Variants in DHRS7B observed in about 807,000 individuals in gnomAD.
DHRS7B encodes peroxisomal reductase activating PPAR-gamma.
A neutral mutation model predicts 26.4 loss-of-function variants in DHRS7B; 24 were observed. The observed-to-expected ratio is 0.91, with a 90% CI of 0.66 to 1.28. The LOEUF (loss-of-function observed/expected upper bound fraction) is 1.28, where lower values mean the gene tolerates loss of function less well. Among genes scored for constraint, DHRS7B ranks in the 50% most tolerant of loss-of-function variants. The probability of loss-of-function intolerance (pLI) is 0.00; values close to 1 mark genes in which losing one functional copy is unlikely to be tolerated. For synonymous variants in DHRS7B, 142 were observed against 166.4 expected, an observed-to-expected ratio of 0.85 and a Z score of 1.13; for missense variants, 368 against 419.4, an observed-to-expected ratio of 0.88 and a Z score of 1.07.
chr17:21,143,544 G>T (rs1326026691), intron 1 of DHRS7B, among the ~76,000 whole-genome samples: 1 of 152,170 alleles, frequency 6.6e-6, no homozygotes, highest in Admixed American at 6.5e-5. Context: ...AGGAATGAAG[G>T]ATTGTGACAT....
intron 1 of DHRS7B, among the ~76,000 whole-genome samples, chr17:21,138,737 A>G (rs1417904208): frequency 2.0e-5 from 3 of 152,032 alleles, no homozygotes; most frequent in Non-Finnish European, 2.9e-5. Context: ...ATTAGACAAA[A>G]CTTGTTCACC....
chr17:21,136,684 T>C lies in DHRS7B; in HGVS notation c.20+9693T>C, dbSNP rs1269012770. Among the ~76,000 whole-genome samples, 51 of 151,956 alleles carry C rather than the reference T, an allele frequency of 3.4e-4. 1 individual carries two copies. Among genetic ancestry groups the C allele is most frequent in the Non-Finnish European group, 1.6e-4 (11 of 68,004 alleles). The stretch of plus-strand genomic sequence containing the variant: ...CATTCTCCTGCCTCAGACTCCTGAG[T>C]AGCTGGGATTACAGGTGTGTGCCAC... On this transcript the variant is annotated intron_variant, in intron 1 of 6. Coordinates refer to ENST00000395511, the MANE Select transcript of DHRS7B (RefSeq NM_015510.5).
At chr17:21,186,845 G>C (rs947210351) in intron 5 of DHRS7B, among the ~76,000 whole-genome samples, 3 of 152,130 alleles carry the variant, frequency 2.0e-5, no homozygotes, top group Non-Finnish European at 2.9e-5. Flanking sequence ...AGCTCTTCTA[G>C]ATGAAAAGCC....
chr17:21,189,602 G>A (rs1017163849), intron 6 of DHRS7B, among the ~76,000 whole-genome samples: 6 of 152,208 alleles, frequency 3.9e-5, no homozygotes, highest in Non-Finnish European at 7.3e-5. Context: ...TCCTGCGCCC[G>A]GCCCAGCCAG....
At position 21,181,493 on chromosome 17, in the gene DHRS7B, C is replaced by G. The variant is rs560506768; in HGVS notation, c.310-2101C>G. ...GGGTCTGGTGTCTGGCAGGGGCCTT[C>G]TTGCCACATCTTAACATGTAGGAAG... On this transcript the variant is annotated intron_variant, in intron 3 of 6. Transcript: ENST00000395511. 3.3e-5 allele frequency among the ~76,000 whole-genome samples: 5 copies of G among 152,314 alleles called. No individual in the cohort carries two copies. The South Asian group carries it at 1.0e-3, about 32-fold the overall frequency.
intron 1 of DHRS7B, among the ~76,000 whole-genome samples, chr17:21,157,953 AAAT>A (rs1567622205): frequency 1.3e-5 from 2 of 152,120 alleles, no homozygotes; most frequent in African/African-American, 4.8e-5. Flanking sequence ...TGAAAAAAAA[AAAT>A]AATAATAATC....
chr17:21,143,708 A>G (rs1005497931), intron 1 of DHRS7B, among the ~76,000 whole-genome samples: 1 of 152,132 alleles, frequency 6.6e-6, no homozygotes, highest in Non-Finnish European at 1.5e-5. Flanking sequence ...GTTCTCATAT[A>G]CCTGTGTGTG....
At chr17:21,178,820 A>G (rs1974449313) in intron 3 of DHRS7B, among the ~76,000 whole-genome samples, 1 of 151,928 alleles carries the variant, frequency 6.6e-6, no homozygotes, top group South Asian at 2.1e-4. Context: ...CACCACACTC[A>G]GCTGATTTTT....
intron 2 of DHRS7B, 53 bp downstream of exon 2, chr17:21,172,249 GA>G (rs1354832529): frequency 6.4e-7 from 1 of 1,561,306 alleles, no homozygotes; most frequent in Admixed American, 1.9e-5. Context: ...AGCCAGGGAT[GA>G]GGAGCGGCCC....
At chr17:21,133,248 G>A (rs1973276826) in intron 1 of DHRS7B, among the ~76,000 whole-genome samples, 1 of 152,236 alleles carries the variant, frequency 6.6e-6, no homozygotes, top group Non-Finnish European at 1.5e-5. Context: ...ATTTTGCCAA[G>A]GTTGAGGATG....
chr17:21,129,745 TTAA>T (rs1973190187), intron 1 of DHRS7B, among the ~76,000 whole-genome samples: 1 of 148,080 alleles, frequency 6.8e-6, no homozygotes, highest in South Asian at 2.1e-4. Flanking sequence ...AAAATAAGCA[TTAA>T]ACCAGACTGG....
At chr17:21,139,516 A>G (rs1402166747) in intron 1 of DHRS7B, among the ~76,000 whole-genome samples, 1 of 152,044 alleles carries the variant, frequency 6.6e-6, no homozygotes, top group African/African-American at 2.4e-5. Flanking sequence ...TCTACTAAAA[A>G]TACAAAAATT....
chr17:21,160,975 A>T (rs920372837), intron 1 of DHRS7B, among the ~76,000 whole-genome samples: 2 of 152,240 alleles, frequency 1.3e-5, no homozygotes, highest in Non-Finnish European at 2.9e-5. Flanking sequence ...GCTATGTACC[A>T]TATGTTTCCA....
chr17:21,168,157 C>T (rs1482503171), intron 1 of DHRS7B, among the ~76,000 whole-genome samples: 1 of 152,200 alleles, frequency 6.6e-6, no homozygotes, highest in African/African-American at 2.4e-5. Flanking sequence ...AGCAGTGTGG[C>T]CACATGCCCT....
At chr17:21,147,010 C>T (rs1973655897) in intron 1 of DHRS7B, among the ~76,000 whole-genome samples, 1 of 152,150 alleles carries the variant, frequency 6.6e-6, no homozygotes, top group Admixed American at 6.5e-5. Context: ...TTGCCGTGCA[C>T]TACTATGAAG....
intron 1 of DHRS7B, among the ~76,000 whole-genome samples, chr17:21,147,271 T>A (rs1473868080): frequency 6.6e-6 from 1 of 152,170 alleles, no homozygotes; most frequent in Admixed American, 6.5e-5. Flanking sequence ...GTGAAGACTC[T>A]GAAGCCTTGG....
At chr17:21,146,414 A>AC (rs1336053441) in intron 1 of DHRS7B, among the ~76,000 whole-genome samples, 1 of 152,252 alleles carries the variant, frequency 6.6e-6, no homozygotes, top group African/African-American at 2.4e-5. Flanking sequence ...AAACAAAAAC[A>AC]AAACAGAAAA....
At chr17:21,156,951 C>T (rs1973896193) in intron 1 of DHRS7B, among the ~76,000 whole-genome samples, 1 of 151,938 alleles carries the variant, frequency 6.6e-6, no homozygotes, top group African/African-American at 2.4e-5. Flanking sequence ...ACTCTGTGCC[C>T]ATTTCTTGAT....
intron 1 of DHRS7B, among the ~76,000 whole-genome samples, chr17:21,151,512 C>CAAA (rs34419163): frequency 3.4e-5 from 4 of 117,334 alleles, no homozygotes; most frequent in African/African-American, 1.3e-4. Context: ...GACTCTGTCT[C>CAAA]AAAAAAAAAA....
Sources: allele counts gnomAD v4.1 joint callset (sites outside exome capture counted in the v4.1 genomes callset), GRCh38; gene constraint gnomAD v4.1.1; transcripts MANE v1.5; gene names NCBI Gene and HGNC (gene_info 2026-07-23, HGNC 2026-07-21).